The following ABCA7 variants were observed in gnomAD, a reference collection of about 807,000 sequenced individuals.
The protein encoded by ABCA7 is ATP binding cassette subfamily A member 7, also known as phospholipid-transporting ATPase ABCA7.
Under a neutral mutation model 227.6 loss-of-function variants are expected in ABCA7, and 261 were observed. The ratio of observed to expected loss-of-function variants is 1.15; its 90% confidence interval spans 1.04 to 1.27. ABCA7 has a LOEUF of 1.27. ABCA7 is among the 50% of genes most tolerant of loss of function. The pLI, the probability that ABCA7 is intolerant of heterozygous loss-of-function variation, is 0.00. For synonymous variants in ABCA7, 1,488 were observed against 1,279.7 expected, an observed-to-expected ratio of 1.16 and a Z score of -3.47; for missense variants, 3,331 against 2,924.5, an observed-to-expected ratio of 1.14 and a Z score of -3.21.
Position 1,055,317 on chromosome 19 carries a change from C to G in ABCA7, c.4171C>G (p.Leu1391Val). 1 of 1,600,728 alleles carries G rather than the reference C, an allele frequency of 6.2e-7. No individual in the cohort carries two copies. Among genetic ancestry groups the G allele is most frequent in the Non-Finnish European group, 8.5e-7 (1 of 1,175,474 alleles). Residue 1391 changes from leucine to valine, a missense_variant, in exon 30 of 47, where the codon CTG becomes GTG. Leu to Val is a conservative substitution (Grantham distance 32). Coordinates refer to ENST00000263094, the MANE Select transcript of ABCA7 (RefSeq NM_019112.4). The part of the protein sequence containing the change: ...NLTGRNLSDF[L>V]VKTYPRLVRQ... ...GACAGGCCGGAACCTGTCTGACTTC[C>G]TGGTCAAGACCTACCCGCGCCTGGT...
Position 1,056,089 on chromosome 19 carries a change from G to GC in ABCA7, c.4264dup (p.Arg1422ProfsTer105), listed in dbSNP as rs2042228762. The GC allele has an allele frequency of 6.3e-7, 1 of 1,598,492 alleles. No individual in the cohort carries two copies. The highest frequency in any genetic ancestry group is 1.3e-5 in the African/African-American group (1 of 74,646). On this transcript the variant is annotated frameshift_variant, in exon 32 of 47. Transcript: ENST00000263094. LOFTEE classifies it high-confidence loss of function. This position sits in a 1 kb window ranked among gnomAD's most constrained non-coding sequence, Gnocchi z 4.3. ...AGATACGGAGGCTTCTCGCTGGGGGGCCGAGACCCAGGCCTGCCCTCGGGC... is the reference window on the plus strand; with the variant it reads ...AGATACGGAGGCTTCTCGCTGGGGGGCCCGAGACCCAGGCCTGCCCTCGGGC...
chr19:1,055,702 C>T (rs1309803409), intron 30 of ABCA7, among the ~76,000 whole-genome samples: 7 of 152,008 alleles, frequency 4.6e-5, no homozygotes, highest in African/African-American at 1.2e-4. Context: ...GGGGTTTCAC[C>T]GTGTTGCCAG....
At chr19:1,064,753 T>C in intron 45 of ABCA7, 178 bp from the exon 46 acceptor site, 1 of 1,012,196 alleles carries the variant, frequency 9.9e-7, no homozygotes, top group South Asian at 1.8e-5. Context: ...TGGTGGTGTG[T>C]GCCTGTGGTC....
At chr19:1,060,207 A>G (rs539283255) in intron 40 of ABCA7, among the ~76,000 whole-genome samples, 1 of 96,770 alleles carries the variant, frequency 1.0e-5, no homozygotes, top group East Asian at 4.1e-4. Context: ...ATATATATAT[A>G]TTTTTTTTTC....
chr19:1,053,168 C>T (rs1011948614), intron 23 of ABCA7, among the ~76,000 whole-genome samples, 161 bp from the exon 24 acceptor site: 4 of 152,246 alleles, frequency 2.6e-5, no homozygotes, highest in African/African-American at 9.6e-5. Context: ...GCTGGGATTA[C>T]AGGCGTGAGC....
rs775296674 is a variant in ABCA7 at position 1,058,803 on chromosome 19, A to G, written c.5280-17A>G. 1.1e-5 allele frequency: 18 copies of G among 1,590,850 alleles called. No individual in the cohort carries two copies. The East Asian group carries it at 3.8e-4, about 34-fold the overall frequency. ...GGCCAAGGACCTACTTTAAGCCCACAGATATTCTGTCCCCAGGCCCAGGGT... is the reference window on the plus strand; with the variant it reads ...GGCCAAGGACCTACTTTAAGCCCACGGATATTCTGTCCCCAGGCCCAGGGT... On this transcript the variant is annotated splice_polypyrimidine_tract_variant and intron_variant, in intron 38 of 46. Transcript: ENST00000263094.
chr19:1,053,271 G>A (rs2041936915), intron 23 of ABCA7, 58 bp from the exon 24 acceptor site: 2 of 1,540,762 alleles, frequency 1.3e-6, no homozygotes, highest in African/African-American at 1.4e-5. Flanking sequence ...CTCTTCCCCA[G>A]GGAGACTGGG....
chr19:1,051,024 T>C lies in ABCA7; in HGVS notation c.2656T>C (p.Cys886Arg), dbSNP rs2041567317. 2 of 1,612,024 alleles carry C rather than the reference T, an allele frequency of 1.2e-6. No individual in the cohort carries two copies. Among genetic ancestry groups the C allele is most frequent in the Non-Finnish European group, 8.5e-7 (1 of 1,179,616 alleles). The change falls in exon 19 of 47, where the codon TGT (cysteine) becomes CGT (arginine). Residue 886 changes from cysteine (C) to arginine (R), a missense_variant. Coordinates refer to ENST00000263094, the MANE Select transcript of ABCA7 (RefSeq NM_019112.4). ...CGCCATCCGGCCCCACCTGGGCGTCTGTCCTCAGTACAACGTGCTGTTTGA... is the reference window on the plus strand; with the variant it reads ...CGCCATCCGGCCCCACCTGGGCGTCCGTCCTCAGTACAACGTGCTGTTTGA... ...MAAIRPHLGV[C>R]PQYNVLFDML...
At chr19:1,044,229 C>T (rs2040369988) in intron 10 of ABCA7, among the ~76,000 whole-genome samples, 1 of 141,574 alleles carries the variant, frequency 7.1e-6, no homozygotes, top group Non-Finnish European at 1.5e-5. Context: ...CGTGAACTAC[C>T]ACGTCCTGCT....
chr19:1,064,782 G>A, intron 45 of ABCA7, 149 bp from the exon 46 acceptor site: 2 of 1,291,480 alleles, frequency 1.5e-6, no homozygotes, highest in South Asian at 1.6e-5. Flanking sequence ...GCGGGCGGGG[G>A]GTGGCGGGGG....
Position 1,054,756 on chromosome 19 carries a change from C to T in ABCA7, c.3852-24C>T, listed in dbSNP as rs1201815140. On this transcript the variant is annotated intron_variant, in intron 28 of 46. Coordinates refer to ENST00000263094, the MANE Select transcript of ABCA7 (RefSeq NM_019112.4). The surrounding 1 kb of genome is among the most constrained non-coding windows in gnomAD (Gnocchi z 4.8). ...TAGGGACCTGGGGGTACAGCCCTGACCCTACATCTCCCCTCACACACAGTG... is the reference window on the plus strand; with the variant it reads ...TAGGGACCTGGGGGTACAGCCCTGATCCTACATCTCCCCTCACACACAGTG... The T allele has an allele frequency of 1.2e-6, 2 of 1,607,968 alleles. No individual in the cohort carries two copies. Among genetic ancestry groups the T allele is most frequent in the African/African-American group, 1.3e-5 (1 of 74,814 alleles).
At position 1,054,773 on chromosome 19, in the gene ABCA7, C is replaced by T. The variant is rs567094310; in HGVS notation, c.3852-7C>T. On this transcript the variant is annotated splice_polypyrimidine_tract_variant and splice_region_variant and intron_variant, in intron 28 of 46. Transcript: ENST00000263094. The surrounding 1 kb of genome is among the most constrained non-coding windows in gnomAD (Gnocchi z 4.8). ...AGCCCTGACCCTACATCTCCCCTCA[C>T]ACACAGTGAGGACGCCCCAGGGGAC... The T allele has an allele frequency of 5.5e-5, 89 of 1,606,660 alleles. No homozygotes were observed. Among genetic ancestry groups the T allele is most frequent in the Non-Finnish European group, 7.2e-5 (85 of 1,177,050 alleles).
Position 1,060,207 on chromosome 19 carries a change from A to ATATATATATTTTTT in ABCA7, c.5463+1123_5463+1124insATATATATTTTTTT. ...AGCACACATTGCAGTATATATATAT[A>ATATATATATTTTTT]TTTTTTTTTCTTTTTTTTTCTTTTG... is the stretch of plus-strand genomic sequence containing the variant. On this transcript the variant is annotated intron_variant, in intron 40 of 46. Coordinates refer to ENST00000263094, the MANE Select transcript of ABCA7 (RefSeq NM_019112.4). 2.0e-3 allele frequency among the ~76,000 whole-genome samples: 198 copies of ATATATATATTTTTT among 96,818 alleles called. 1 individual carries two copies. The highest frequency in any genetic ancestry group is 6.5e-3 in the African/African-American group (188 of 28,724). 63.5% of individuals were successfully genotyped at this position (96,818 alleles called of 152,430 possible). A position where few individuals can be genotyped will look rare whatever the true frequency, so the allele number is the denominator to read the frequency against.
Position 1,057,899 on chromosome 19 carries a change from C to T in ABCA7, c.4881-16C>T, listed in dbSNP as rs1459109874. ...AGTCTGAGTGGTTACTCCAGTGACT[C>T]CTATTGTCCCTTCAGCTGGTCGATC... On this transcript the variant is annotated splice_polypyrimidine_tract_variant and intron_variant, in intron 35 of 46. Coordinates refer to ENST00000263094, the MANE Select transcript of ABCA7 (RefSeq NM_019112.4). 2 of 1,613,892 alleles carry T rather than the reference C, an allele frequency of 1.2e-6. No homozygotes were observed. Among genetic ancestry groups the T allele is most frequent in the Middle Eastern group, 1.6e-4 (1 of 6,062 alleles).
intron 9 of ABCA7, 77 bp from the exon 10 acceptor site, chr19:1,043,648 A>C (rs2040282415): frequency 1.3e-6 from 2 of 1,541,630 alleles, no homozygotes; most frequent in African/African-American, 2.7e-5. Context: ...ACGCAGGAGC[A>C]AGGCAGAGGG....
At chr19:1,060,397 G>A (rs2042579756) in intron 40 of ABCA7, among the ~76,000 whole-genome samples, 1 of 151,350 alleles carries the variant, frequency 6.6e-6, no homozygotes, top group South Asian at 2.1e-4. Flanking sequence ...TTTTAGTAGA[G>A]ACGGGGTTTC....
At position 1,047,648 on chromosome 19, in the gene ABCA7, T is replaced by G. The variant is rs1326413446; in HGVS notation, c.2263T>G (p.Cys755Gly). The change falls in exon 16 of 47, where the codon TGC becomes GGC. Residue 755 changes from cysteine (C) to glycine (G), a missense_variant. Transcript: ENST00000263094. ...CGCCACCTGGTACCTGGAAGCTGTG[T>G]GCCCAGGTGGGCCGTAGGGGGCGGG... Reference protein sequence around the residue: ...GLATWYLEAVCPGQYGIPEPW... With the variant: ...GLATWYLEAVGPGQYGIPEPW... 2.5e-6 allele frequency: 4 copies of G among 1,594,742 alleles called. No individual in the cohort carries two copies. Among genetic ancestry groups the G allele is most frequent in the Non-Finnish European group, 2.6e-6 (3 of 1,175,476 alleles).
rs1568216811 is a variant in ABCA7 at position 1,041,901 on chromosome 19, G to T, written c.231G>T (p.Val77=). 6.2e-7 allele frequency: 1 copy of T among 1,601,768 alleles called. No individual in the cohort carries two copies. The highest frequency in any genetic ancestry group is 2.2e-5 in the East Asian group (1 of 44,796). Residue 77 remains valine (V), a synonymous_variant, in exon 4 of 47, where the codon GTG becomes GTT. Transcript: ENST00000263094. ...VPWLQGLICN[V]NNTCFPQLTP... is the part of the protein sequence containing the mutation. ...GGCTCCAGGGTCTCATCTGTAATGT[G>T]AACAACACCTGCTTTCCGCAGCTGA...
Position 1,041,507 on chromosome 19 carries a change from C to G in ABCA7, c.67-3C>G, listed in dbSNP as rs1354729742. 2 of 1,613,732 alleles carry G rather than the reference C, an allele frequency of 1.2e-6. No homozygotes were observed. The highest frequency in any genetic ancestry group is 1.7e-6 in the Non-Finnish European group (2 of 1,180,030). On this transcript the variant is annotated splice_region_variant and splice_polypyrimidine_tract_variant and intron_variant, in intron 2 of 46. Transcript: ENST00000263094. ...CCACCGTCTCCCACCTATTCTCCCC[C>G]AGGTCCAGCTCCTGGTCGAATTGCT... is the stretch of plus-strand genomic sequence containing the variant.
Sources: gnomAD v4.1 joint callset for allele counts (sites outside exome capture counted in the v4.1 genomes callset) on GRCh38, gnomAD v4.1.1 for gene constraint, Gnocchi (gnomAD v3.1) non-coding constraint, MANE v1.5 for transcripts, NCBI Gene and HGNC (gene_info 2026-07-23, HGNC 2026-07-21) for gene names.